ATP8B4: variants seen among roughly 807,000 people sequenced by gnomAD.
The protein encoded by ATP8B4 is ATPase phospholipid transporting 8B4 (putative), also known as probable phospholipid-transporting ATPase IM.
Under a neutral mutation model 145.6 loss-of-function variants are expected in ATP8B4, and 133 were observed. That is an observed-to-expected ratio of 0.91 (90% CI 0.79 to 1.05). The LOEUF (loss-of-function observed/expected upper bound fraction) is 1.05. ATP8B4 is among the 50% of genes least tolerant of loss of function. The pLI, the probability that ATP8B4 is intolerant of heterozygous loss-of-function variation, is 0.00. For synonymous variants in ATP8B4, 507 were observed against 492.9 expected (o/e 1.03, Z -0.38); for missense variants, 1,458 against 1,425.2 (o/e 1.02, Z -0.37).
chr15:49,987,836 A>G (rs773821397), intron 9 of ATP8B4, among the ~76,000 whole-genome samples: 4 of 152,146 alleles, frequency 2.6e-5, no homozygotes, highest in Non-Finnish European at 5.9e-5. Flanking sequence ...AAAAAAAAGC[A>G]TATCTTTACT....
intron 2 of ATP8B4, among the ~76,000 whole-genome samples, chr15:50,098,362 G>A (rs1365240721): frequency 7.9e-6 from 1 of 127,186 alleles, no homozygotes; most frequent in African/African-American, 3.0e-5. Flanking sequence ...CACAATCATA[G>A]CTCACTGCAA....
chr15:50,070,658 T>C (rs1289710204), intron 3 of ATP8B4, among the ~76,000 whole-genome samples: 2 of 152,198 alleles, frequency 1.3e-5, no homozygotes, highest in Non-Finnish European at 2.9e-5. Flanking sequence ...TAGTTTTCTT[T>C]CTCCACTTTT....
At chr15:49,861,477 C>CTAT (rs1566884802) in intron 27 of ATP8B4, among the ~76,000 whole-genome samples, 240 of 138,730 alleles carry the variant, frequency 1.7e-3, no homozygotes, top group African/African-American at 5.5e-3. Flanking sequence ...TATCTATCTA[C>CTAT]CTACCTACCT....
intron 1 of ATP8B4, among the ~76,000 whole-genome samples, chr15:50,173,245 G>T (rs182914700): frequency 1.3e-5 from 2 of 152,140 alleles, no homozygotes; most frequent in East Asian, 3.9e-4. Context: ...CGGTTTTGTC[G>T]AACAGAAAAG....
intron 3 of ATP8B4, among the ~76,000 whole-genome samples, chr15:50,068,319 T>G (rs2053516028): frequency 1.3e-5 from 2 of 152,190 alleles, no homozygotes; most frequent in African/African-American, 4.8e-5. Flanking sequence ...AACCACATTG[T>G]TGCACTGAAT....
chr15:50,140,649 C>T (rs895060267), intron 1 of ATP8B4, among the ~76,000 whole-genome samples: 3 of 44,442 alleles, frequency 6.8e-5, no homozygotes, highest in Non-Finnish European at 8.8e-5. Context: ...TTCCTGGATT[C>T]AAAATATACA....
intron 14 of ATP8B4, among the ~76,000 whole-genome samples, chr15:49,939,309 A>G (rs1390312925): frequency 2.6e-5 from 4 of 152,242 alleles, no homozygotes; most frequent in East Asian, 1.9e-4. Context: ...CAATAAAACC[A>G]AAAGTTGGTT....
intron 9 of ATP8B4, among the ~76,000 whole-genome samples, chr15:49,991,945 T>C (rs578090132): frequency 1.3e-5 from 2 of 152,294 alleles, no homozygotes; most frequent in Admixed American, 1.3e-4. Context: ...TTGTGCTAAT[T>C]TTCCCTAACC....
chr15:50,087,297 ATATC>A (rs1180769147), intron 2 of ATP8B4, among the ~76,000 whole-genome samples: 1 of 132,422 alleles, frequency 7.6e-6, no homozygotes, highest in Admixed American at 8.0e-5. Flanking sequence ...ATATAGATCT[ATATC>A]TATTATATAT....
At chr15:50,039,555 G>A (rs1315929961) in intron 5 of ATP8B4, among the ~76,000 whole-genome samples, 2 of 151,988 alleles carry the variant, frequency 1.3e-5, no homozygotes, top group Non-Finnish European at 2.9e-5. Context: ...AGTAGTAGTA[G>A]GCTATAAGAG....
At chr15:49,953,426 A>AC (rs1231154259) in intron 14 of ATP8B4, among the ~76,000 whole-genome samples, 4 of 152,254 alleles carry the variant, frequency 2.6e-5, no homozygotes, top group Middle Eastern at 3.4e-3. Context: ...TGGAGATCCT[A>AC]CAGGGAAGCC....
At chr15:49,973,437 G>C (rs1184549517) in intron 12 of ATP8B4, among the ~76,000 whole-genome samples, 1 of 152,094 alleles carries the variant, frequency 6.6e-6, no homozygotes, top group Non-Finnish European at 1.5e-5. Context: ...CTAAAGAAAT[G>C]TGCTATTGAG....
At chr15:50,103,562 A>C (rs889789103) in intron 2 of ATP8B4, among the ~76,000 whole-genome samples, 2 of 152,172 alleles carry the variant, frequency 1.3e-5, no homozygotes, top group African/African-American at 4.8e-5. Flanking sequence ...GGAAGACTAT[A>C]AAACACTGCT....
intron 13 of ATP8B4, among the ~76,000 whole-genome samples, chr15:49,964,488 T>C (rs967738649): frequency 1.3e-5 from 2 of 152,188 alleles, no homozygotes; most frequent in African/African-American, 4.8e-5. Context: ...TAAAGTCAAA[T>C]GTTAAATTTT....
intron 6 of ATP8B4, among the ~76,000 whole-genome samples, chr15:50,034,575 C>T (rs369328653): frequency 1.3e-5 from 2 of 152,224 alleles, no homozygotes; most frequent in East Asian, 3.9e-4. Flanking sequence ...TATAAACAGA[C>T]AGATATGGGT....
intron 5 of ATP8B4, among the ~76,000 whole-genome samples, chr15:50,040,738 A>G (rs1008037876): frequency 2.0e-5 from 3 of 152,202 alleles, no homozygotes; most frequent in Non-Finnish European, 4.4e-5. Flanking sequence ...AGGACTTGAT[A>G]TTGGAGTAGA....
rs551886617 is a variant in ATP8B4, at chr15:50,060,932, T to C, written c.87+13195A>G. ...ACAAATTGCTGTGATATAGGAAAGGTTGCATGCAGCTTTTTCAAAAGTTGA... is the reference window on the plus strand; with the variant it reads ...ACAAATTGCTGTGATATAGGAAAGGCTGCATGCAGCTTTTTCAAAAGTTGA... On this transcript the variant is annotated intron_variant, in intron 3 of 27. Transcript: ENST00000284509. Among the ~76,000 whole-genome samples, 5 of 152,238 alleles carry C rather than the reference T, an allele frequency of 3.3e-5. No homozygotes were observed. In the South Asian group the frequency reaches 1.0e-3, roughly 32 times the overall value.
intron 14 of ATP8B4, 144 bp downstream of exon 14, chr15:49,961,833 T>A: frequency 1.5e-6 from 1 of 650,728 alleles, no homozygotes; most frequent in Non-Finnish European, 2.5e-6. Flanking sequence ...GAATTTTGAA[T>A]CATATTAATC....
chr15:49,949,254 T>A (rs2042851165), intron 14 of ATP8B4, among the ~76,000 whole-genome samples: 1 of 152,226 alleles, frequency 6.6e-6, no homozygotes, highest in African/African-American at 2.4e-5. Flanking sequence ...TAAATTACTT[T>A]GGGCAGTATG....
Sources: allele counts gnomAD v4.1 joint callset (sites outside exome capture counted in the v4.1 genomes callset), GRCh38; gene constraint gnomAD v4.1.1; transcripts MANE v1.5; gene names NCBI Gene and HGNC (gene_info 2026-07-23, HGNC 2026-07-21).